The following PIK3C2G variants were observed in gnomAD, a reference collection of about 807,000 sequenced individuals.
PIK3C2G encodes the protein phosphatidylinositol 3-kinase C2 domain-containing subunit gamma.
Under a neutral mutation model 181.1 loss-of-function variants are expected in PIK3C2G, and 168 were observed. The ratio of observed to expected loss-of-function variants is 0.93; its 90% CI spans 0.82 to 1.05. The LOEUF (loss-of-function observed/expected upper bound fraction) is 1.05. Among genes scored for constraint, PIK3C2G ranks in the 50% least tolerant of loss-of-function variants. PIK3C2G has a pLI of 0.00. For synonymous variants in PIK3C2G, 573 were observed against 592.2 expected (o/e 0.97, Z 0.47); for missense variants, 1,869 against 1,732.8 (o/e 1.08, Z -1.40).
chr12:18,412,865 G>C (rs1179775474), intron 16 of PIK3C2G, among the ~76,000 whole-genome samples: 1 of 151,968 alleles, frequency 6.6e-6, no homozygotes, highest in African/African-American at 2.4e-5. Flanking sequence ...CTAAACACTT[G>C]GTGCTCTTCC....
chr12:18,643,348 G>A (rs2136818423), intron 32 of PIK3C2G, among the ~76,000 whole-genome samples: 1 of 151,960 alleles, frequency 6.6e-6, no homozygotes, highest in Admixed American at 6.6e-5. Context: ...TGCTTCGAAA[G>A]CCATGGTCCA....
At chr12:18,448,049 A>C (rs936919734) in intron 18 of PIK3C2G, among the ~76,000 whole-genome samples, 5 of 152,170 alleles carry the variant, frequency 3.3e-5, no homozygotes, top group Non-Finnish European at 2.9e-5. Flanking sequence ...GTAAAATGTA[A>C]ACTAAGGTCC....
chr12:18,600,651 T>C (rs1338500411), intron 30 of PIK3C2G, among the ~76,000 whole-genome samples: 2 of 152,060 alleles, frequency 1.3e-5, no homozygotes, highest in African/African-American at 4.8e-5. Context: ...GATGAAATTA[T>C]AGTAACAGAC....
chr12:18,556,664 G>T (rs1945028306), intron 26 of PIK3C2G, among the ~76,000 whole-genome samples: 1 of 152,088 alleles, frequency 6.6e-6, no homozygotes, highest in Non-Finnish European at 1.5e-5. Context: ...TGAATGAATG[G>T]TAGAGTCTCC....
chr12:18,553,154 T>G (rs564800350), intron 26 of PIK3C2G, among the ~76,000 whole-genome samples: 9 of 152,164 alleles, frequency 5.9e-5, no homozygotes, highest in African/African-American at 2.2e-4. Context: ...GCAATTAGGC[T>G]ACAATCGTTT....
chr12:18,417,312 A>C (rs1369021869), intron 16 of PIK3C2G, among the ~76,000 whole-genome samples: 1 of 152,222 alleles, frequency 6.6e-6, no homozygotes, highest in East Asian at 1.9e-4. Flanking sequence ...TGTTGACATG[A>C]TAACAAAGGA....
At chr12:18,579,618 C>A (rs1329555621) in intron 29 of PIK3C2G, among the ~76,000 whole-genome samples, 1 of 152,180 alleles carries the variant, frequency 6.6e-6, no homozygotes, top group Non-Finnish European at 1.5e-5. Context: ...CCTAATACCT[C>A]TTCTGATGGA....
chr12:18,558,375 T>C (rs940175261), intron 26 of PIK3C2G, among the ~76,000 whole-genome samples: 6 of 152,216 alleles, frequency 3.9e-5, no homozygotes, highest in Non-Finnish European at 7.3e-5. Context: ...GTTCAGTCAT[T>C]CAACAAATAT....
intron 24 of PIK3C2G, among the ~76,000 whole-genome samples, chr12:18,518,112 T>G (rs1942666497): frequency 6.6e-6 from 1 of 152,224 alleles, no homozygotes; most frequent in Non-Finnish European, 1.5e-5. Context: ...ATAAGCTTTT[T>G]GATACGCTGC....
chr12:18,645,616 T>C (rs1433603212), intron 32 of PIK3C2G, among the ~76,000 whole-genome samples: 4 of 152,180 alleles, frequency 2.6e-5, no homozygotes, highest in African/African-American at 9.7e-5. Context: ...TGTTCCTTTT[T>C]GTGTATTTGA....
chr12:18,263,244 A>C (rs893060865), intron 1 of PIK3C2G, among the ~76,000 whole-genome samples: 3 of 152,100 alleles, frequency 2.0e-5, no homozygotes, highest in Non-Finnish European at 4.4e-5. Flanking sequence ...AAGTTTAAAA[A>C]CATGAGTTCT....
intron 24 of PIK3C2G, among the ~76,000 whole-genome samples, chr12:18,519,436 C>A (rs1288409184): frequency 6.6e-6 from 1 of 152,134 alleles, no homozygotes; most frequent in African/African-American, 2.4e-5. Context: ...ATAGTTAGCT[C>A]TTCTTGTTGA....
chr12:18,632,981 C>T (rs992450755), intron 31 of PIK3C2G, among the ~76,000 whole-genome samples: 7 of 152,228 alleles, frequency 4.6e-5, no homozygotes, highest in South Asian at 2.1e-4. Flanking sequence ...TTAACCATCA[C>T]GAGTTCACTC....
chr12:18,303,052 A>G (rs1392245736), intron 5 of PIK3C2G, among the ~76,000 whole-genome samples: 1 of 152,028 alleles, frequency 6.6e-6, no homozygotes, highest in Non-Finnish European at 1.5e-5. Flanking sequence ...AGGCTGTGGT[A>G]GATGGGCCTA....
At chr12:18,501,340 T>C (rs990506928) in intron 22 of PIK3C2G, among the ~76,000 whole-genome samples, 4 of 152,144 alleles carry the variant, frequency 2.6e-5, no homozygotes, top group Admixed American at 1.3e-4. Flanking sequence ...GGGTACCTGC[T>C]AAACATTAAT....
At chr12:18,256,362 G>A (rs1020977968) in intron 1 of PIK3C2G, among the ~76,000 whole-genome samples, 10 of 152,012 alleles carry the variant, frequency 6.6e-5, no homozygotes, top group Admixed American at 3.9e-4. Context: ...TGCTATGCAC[G>A]CAGACTATCT....
chr12:18,330,123 T>C (rs954487404), intron 8 of PIK3C2G, among the ~76,000 whole-genome samples: 5 of 152,148 alleles, frequency 3.3e-5, no homozygotes, highest in African/African-American at 1.2e-4. Context: ...TAGGGGCTTT[T>C]CGCTTTAATT....
chr12:18,723,914 A>G, the PIK3C2G span, among the ~76,000 whole-genome samples: 2 of 152,096 alleles, frequency 1.3e-5, no homozygotes, highest in East Asian at 1.9e-4. Context: ...TATATGTCAG[A>G]GTGAGTCAGA....
At chr12:18,275,330 T>G (rs1565542650) in intron 1 of PIK3C2G, among the ~76,000 whole-genome samples, 1 of 152,130 alleles carries the variant, frequency 6.6e-6, no homozygotes, top group African/African-American at 2.4e-5. Context: ...TCACCTTTCT[T>G]CATTCACTTC....
Sources: allele counts gnomAD v4.1 joint callset (sites outside exome capture counted in the v4.1 genomes callset), GRCh38; gene constraint gnomAD v4.1.1; transcripts MANE v1.5; gene names NCBI Gene and HGNC (gene_info 2026-07-23, HGNC 2026-07-21).